The following ZBED6 variants were observed in gnomAD, a reference collection of about 807,000 sequenced individuals.
ZBED6 encodes zinc finger BED-type containing 6.
A neutral mutation model predicts 58.4 loss-of-function variants in ZBED6; 40 were observed. The observed-to-expected ratio is 0.68, with a 90% CI of 0.53 to 0.89. The LOEUF (loss-of-function observed/expected upper bound fraction) is 0.89. ZBED6 is among the 40% of genes least tolerant of loss of function. The pLI, the probability that ZBED6 is intolerant of heterozygous loss-of-function variation, is 0.00. For synonymous variants in ZBED6, 439 were observed against 350.6 expected, an observed-to-expected ratio of 1.25 and a Z score of -2.82; for missense variants, 1,057 against 1,003.9, an observed-to-expected ratio of 1.05 and a Z score of -0.71.
At chr1:203,828,932 A>G (rs539360872) in intron 4 of ZBED6, among the ~76,000 whole-genome samples, 4 of 152,256 alleles carry the variant, frequency 2.6e-5, no homozygotes, top group Non-Finnish European at 5.9e-5. Context: ...AAATAAAACT[A>G]AAAAGCTAGT....
intron 9 of ZBED6, chr1:203,835,477 T>C (rs1479828347): frequency 1.3e-5 from 2 of 155,780 alleles, no homozygotes; most frequent in Non-Finnish European, 2.8e-5. Context: ...TAGCTGTAAA[T>C]CAAGAAACAA....
chr1:203,824,743 G>C (rs902237387), intron 3 of ZBED6, among the ~76,000 whole-genome samples: 4 of 152,142 alleles, frequency 2.6e-5, no homozygotes, highest in African/African-American at 9.7e-5. Flanking sequence ...GTGCTTTGTA[G>C]TGTTGCTGAG....
exon 1 of ZBED6, chr1:203,798,172 A>G: frequency 6.5e-7 from 1 of 1,536,148 alleles, no homozygotes; most frequent in Non-Finnish European, 8.7e-7. Context: ...AGCTTTGAAT[A>G]TATTCCTACT....
chr1:203,849,653 A>C, intron 13 of ZBED6, 58 bp from the exon 14 acceptor site: 1 of 1,525,356 alleles, frequency 6.6e-7, no homozygotes, highest in East Asian at 2.3e-5. Context: ...TGGTACTTAC[A>C]TCATACAGGT....
At chr1:203,799,467 A>G (rs898759084) in exon 1 of ZBED6, 4 of 702,966 alleles carry the variant, frequency 5.7e-6, no homozygotes, top group South Asian at 1.5e-5. Context: ...TGGCCATTGG[A>G]TTTCTACTTT....
At chr1:203,839,014 A>G (rs1685255637) in intron 10 of ZBED6, among the ~76,000 whole-genome samples, 1 of 152,088 alleles carries the variant, frequency 6.6e-6, no homozygotes, top group Non-Finnish European at 1.5e-5. Context: ...CACAGGCTCA[A>G]ATGTGCATTT....
intron 11 of ZBED6, among the ~76,000 whole-genome samples, chr1:203,841,527 C>T (rs1686199917): frequency 6.6e-6 from 1 of 152,236 alleles, no homozygotes; most frequent in Non-Finnish European, 1.5e-5. Context: ...TAGTACAGAA[C>T]AAAATGGAGT....
chr1:203,838,293 T>C (rs992117529), intron 10 of ZBED6, among the ~76,000 whole-genome samples: 5 of 152,076 alleles, frequency 3.3e-5, no homozygotes, highest in African/African-American at 1.2e-4. Context: ...AAATGGCAGG[T>C]AGGAATACTT....
intron 1 of ZBED6, among the ~76,000 whole-genome samples, chr1:203,816,463 A>C (rs929249664): frequency 5.9e-5 from 9 of 152,176 alleles, no homozygotes; most frequent in African/African-American, 2.2e-4. Context: ...GTCTTTACAA[A>C]AATTTTTTTT....
exon 1 of ZBED6, chr1:203,800,110 C>G (rs1670093976): frequency 6.5e-7 from 1 of 1,535,990 alleles, no homozygotes; most frequent in African/African-American, 1.4e-5. Context: ...TTCCCTTCTG[C>G]TGTAGCAGTT....
At chr1:203,810,686 T>C (rs1487353486) in intron 1 of ZBED6, among the ~76,000 whole-genome samples, 1 of 152,164 alleles carries the variant, frequency 6.6e-6, no homozygotes, top group Non-Finnish European at 1.5e-5. Context: ...CCCAAAATGC[T>C]GGGAATACAG....
chr1:203,846,160 T>G (rs12739137), intron 11 of ZBED6, among the ~76,000 whole-genome samples: 49 of 132,030 alleles, frequency 3.7e-4, no homozygotes, highest in Middle Eastern at 3.8e-3. Flanking sequence ...ATAATTTTTT[T>G]GGGGGGGGGG....
chr1:203,810,888 T>TGA lies in ZBED6; in HGVS notation c.*2555-6034_*2555-6033dup, dbSNP rs1372120631. Among the ~76,000 whole-genome samples, 3 of 151,272 alleles carry TGA rather than the reference T, an allele frequency of 2.0e-5. No individual in the cohort carries two copies. The East Asian group carries it at 5.9e-4, about 30-fold the overall frequency. On this transcript the variant is annotated intron_variant, in intron 1 of 16. Coordinates refer to ENST00000550078, the Ensembl canonical transcript of ZBED6. ...GCTCACGCCTGTAATCCCAGCACTT[T>TGA]GAGAGGTTGAGGCGGGCAGATGACC...
rs1045837753 is a variant in ZBED6, at chr1:203,799,430, A to G, written c.1908A>G (p.Pro636=). The change falls in exon 1 of 17, where the codon CCA becomes CCG. Residue 636 remains proline, a synonymous_variant. Transcript: ENST00000550078. ...AGTTCCAAAATGATCACCAACTTCC[A>G]TGGAAGAATTTGAAGCAGGACGAAA... 2.4e-5 allele frequency: 17 copies of G among 702,972 alleles called. No individual in the cohort carries two copies. In the African/African-American group the frequency reaches 2.6e-4, roughly 11 times the overall value. 43.5% of individuals were successfully genotyped at this position (702,972 alleles called of 1,614,324 possible).
intron 13 of ZBED6, among the ~76,000 whole-genome samples, 175 bp downstream of exon 13, chr1:203,848,582 G>A (rs148788821): frequency 1.3e-4 from 20 of 152,024 alleles, no homozygotes; most frequent in Non-Finnish European, 2.4e-4. Flanking sequence ...ATCAGTATTC[G>A]CTGCCCTTTT....
At chr1:203,838,298 A>G (rs1684998948) in intron 10 of ZBED6, among the ~76,000 whole-genome samples, 1 of 152,248 alleles carries the variant, frequency 6.6e-6, no homozygotes, top group Non-Finnish European at 1.5e-5. Context: ...GCAGGTAGGA[A>G]TACTTATAAA....
At chr1:203,843,669 T>C (rs1687100708) in intron 11 of ZBED6, among the ~76,000 whole-genome samples, 1 of 152,218 alleles carries the variant, frequency 6.6e-6, no homozygotes, top group African/African-American at 2.4e-5. Context: ...CAAAACTTCA[T>C]TTACAAAATT....
In ZBED6 at chr1:203,799,322, A is replaced by G. The variant is rs941263530; in HGVS notation, c.1800A>G (p.Lys600=). ...TTCAGGACTTTTTCTGCGAGCACAA[A>G]AGCATTGAGAATATGTTAGTGGCTG... is the stretch of plus-strand genomic sequence containing the variant. The change falls in exon 1 of 17, where the codon AAA becomes AAG. Residue 600 remains lysine, a synonymous_variant. Coordinates refer to ENST00000550078, the Ensembl canonical transcript of ZBED6. The G allele has an allele frequency of 9.9e-6, 7 of 708,594 alleles. No individual in the cohort carries two copies. In the African/African-American group the frequency reaches 1.2e-4, roughly 12 times the overall value. The allele number at this position is 708,594 out of a possible 1,614,324, so 43.9% of individuals were successfully genotyped here.
intron 6 of ZBED6, 47 bp downstream of exon 6, chr1:203,829,943 C>A: frequency 6.5e-7 from 1 of 1,542,368 alleles, no homozygotes; most frequent in East Asian, 2.2e-5. Context: ...GTTGAAACTA[C>A]CTTTGAAATT....
Sources: allele counts gnomAD v4.1 joint callset (sites outside exome capture counted in the v4.1 genomes callset), GRCh38; gene constraint gnomAD v4.1.1; transcripts MANE v1.5; gene names NCBI Gene and HGNC (gene_info 2026-07-23, HGNC 2026-07-21).